ACAP3: variants seen among roughly 807,000 people sequenced by gnomAD.
ACAP3 encodes the protein ArfGAP with coiled-coil, ankyrin repeat and PH domains 3.
Under a neutral mutation model 104.1 loss-of-function variants are expected in ACAP3, and 56 were observed. That is an observed-to-expected ratio of 0.54 (90% CI 0.43 to 0.67). The LOEUF (loss-of-function observed/expected upper bound fraction) is 0.67, where lower values mean the gene tolerates loss of function less well. Ranked by LOEUF, ACAP3 falls within the 30% of genes least tolerant of loss-of-function variation. The pLI is 0.00. For synonymous variants in ACAP3, 628 were observed against 496.2 expected, an observed-to-expected ratio of 1.27 and a Z score of -3.53; for missense variants, 1,208 against 1,174.9, an observed-to-expected ratio of 1.03 and a Z score of -0.41.
intron 10 of ACAP3, 104 bp from the exon 11 acceptor site, chr1:1,298,783 CCA>C: frequency 1.2e-6 from 1 of 817,374 alleles, no homozygotes; most frequent in Admixed American, 2.3e-5. Flanking sequence ...TCTGAGGCTG[CCA>C]CACGGCCCAC....
intron 1 of ACAP3, 131 bp from the exon 2 acceptor site, chr1:1,304,274 G>A (rs1009590578): frequency 3.2e-5 from 35 of 1,110,658 alleles, no homozygotes; most frequent in East Asian, 2.1e-4. Flanking sequence ...GGAGACAGAC[G>A]CCTGCCTGCT....
intron 15 of ACAP3, 43 bp from the exon 16 acceptor site, chr1:1,296,323 C>T (rs1248644455): frequency 2.6e-6 from 4 of 1,549,924 alleles, no homozygotes; most frequent in Non-Finnish European, 3.5e-6. Flanking sequence ...AGGCAAGGCC[C>T]CCAGCTCCGG....
At chr1:1,301,842 T>C in intron 5 of ACAP3, 146 bp downstream of exon 5, 1 of 707,356 alleles carries the variant, frequency 1.4e-6, no homozygotes, top group Non-Finnish European at 2.2e-6. Flanking sequence ...CCCGGCTGTC[T>C]GCCTCTGAGC....
At chr1:1,298,177 T>C in intron 12 of ACAP3, 64 bp from the exon 13 acceptor site, 1 of 1,563,508 alleles carries the variant, frequency 6.4e-7, no homozygotes, top group Non-Finnish European at 8.7e-7. Context: ...ACCCACTTCC[T>C]GCTTCACCTT....
At chr1:1,296,861 G>A (rs570091872) in intron 14 of ACAP3, among the ~76,000 whole-genome samples, 109 of 151,640 alleles carry the variant, frequency 7.2e-4, no homozygotes, top group Admixed American at 1.6e-3. Flanking sequence ...AGGTGGCGCC[G>A]AGCACACGCC....
intron 14 of ACAP3, 32 bp downstream of exon 14, chr1:1,297,790 C>T (rs761911484): frequency 3.1e-5 from 49 of 1,600,526 alleles, no homozygotes; most frequent in Non-Finnish European, 3.9e-5. Context: ...TGTGTGTGCA[C>T]GGGCTTGGGG....
intron 10 of ACAP3, 42 bp downstream of exon 10, chr1:1,299,303 C>A: frequency 6.3e-7 from 1 of 1,587,566 alleles, no homozygotes; most frequent in Admixed American, 1.7e-5. Flanking sequence ...CCCATCTGGT[C>A]TCCCCCGACC....
intron 19 of ACAP3, chr1:1,295,056 C>A: frequency 1.8e-6 from 1 of 570,534 alleles, no homozygotes; most frequent in Admixed American, 3.3e-5. Context: ...AAGCCCTTCC[C>A]TCCCGCTCGC....
At position 1,296,735 on chromosome 1, in the gene ACAP3, C is replaced by T. The variant is rs556064566; in HGVS notation, c.1129-102G>A. 3.7e-5 allele frequency: 47 copies of T among 1,283,642 alleles called. No homozygotes were observed. In the South Asian group the frequency reaches 4.3e-4, roughly 12 times the overall value. 79.5% of individuals were successfully genotyped at this position (1,283,642 alleles called of 1,614,324 possible). A position where few individuals can be genotyped will look rare whatever the true frequency, so the allele number is the denominator to read the frequency against. On this transcript the variant is annotated intron_variant, in intron 14 of 23. Coordinates refer to ENST00000354700, the MANE Select transcript of ACAP3 (RefSeq NM_030649.3). ...CCAGAAGAGCCAATGCAGGCCAGGG[C>T]CCCTCGAGCACACGCCCGCACACGC...
In ACAP3 at chr1:1,292,909, C is replaced by G. The variant is rs1640903667; in HGVS notation, c.*655G>C. The G allele has an allele frequency of 4.6e-5, 7 of 152,282 alleles. No homozygotes were observed. The highest frequency in any genetic ancestry group is 3.3e-4 in the Admixed American group (5 of 15,288). 9.4% of individuals were successfully genotyped at this position (152,282 alleles called of 1,614,324 possible). On this transcript the variant is annotated 3_prime_UTR_variant, in exon 24 of 24. Coordinates refer to ENST00000354700, the MANE Select transcript of ACAP3 (RefSeq NM_030649.3). ...GTGGCTTTATGCGCAGGCTCTGGGCCGAGTACCAGGAGAAGGTGCCTCCGG... is the reference window on the plus strand; with the variant it reads ...GTGGCTTTATGCGCAGGCTCTGGGCGGAGTACCAGGAGAAGGTGCCTCCGG...
intron 23 of ACAP3, 57 bp from the exon 24 acceptor site, chr1:1,293,765 G>C (rs1376047480): frequency 6.7e-7 from 1 of 1,498,696 alleles, no homozygotes; most frequent in East Asian, 2.7e-5. Context: ...CCCTGCCCTG[G>C]AGGCCCCGCC....
chr1:1,296,133 G>A (rs568940219), intron 16 of ACAP3, 24 bp from the exon 17 acceptor site: 3 of 1,612,058 alleles, frequency 1.9e-6, no homozygotes, highest in African/African-American at 2.7e-5. Context: ...GGGCGAGCAG[G>A]CATCAGTGCG....
rs756671235 is a variant in ACAP3 at position 1,295,481 on chromosome 1, G to A, written c.1779C>T (p.Tyr593=). 5.0e-6 allele frequency: 8 copies of A among 1,612,620 alleles called. No homozygotes were observed. The South Asian group carries it at 8.8e-5, about 18-fold the overall frequency. The change falls in exon 19 of 24, where the codon TAC becomes TAT. Residue 593 remains tyrosine (Y), a synonymous_variant. Transcript: ENST00000354700. ...CPDELDSLFS[Y]FDAGAAGAGP... ...CAGCCCCTGCGGCCCCTGCGTCGAA[G>A]TAGGAGAAGAGCGAGTCCAGCTCGT...
intron 11 of ACAP3, 69 bp from the exon 12 acceptor site, chr1:1,298,490 A>AC: frequency 2.4e-6 from 2 of 831,818 alleles, no homozygotes; most frequent in Non-Finnish European, 3.4e-6. Flanking sequence ...CCCTGCCCCC[A>AC]CCTGAGGACC....
At chr1:1,296,862 AGCACACGCCC>A (rs1245002563) in intron 14 of ACAP3, among the ~76,000 whole-genome samples, 23 of 151,640 alleles carry the variant, frequency 1.5e-4, no homozygotes, top group African/African-American at 5.3e-4. Context: ...GGTGGCGCCG[AGCACACGCCC>A]GCACACGCAC....
At position 1,303,063 on chromosome 1, in the gene ACAP3, G is replaced by A. The variant is rs2100471235; in HGVS notation, c.226-88C>T. The A allele has an allele frequency of 3.9e-6, 6 of 1,553,558 alleles. No individual in the cohort carries two copies. In the South Asian group the frequency reaches 7.1e-5, roughly 18 times the overall value. On this transcript the variant is annotated intron_variant, in intron 3 of 23. Transcript: ENST00000354700. The surrounding 1 kb of genome is among the most constrained non-coding windows in gnomAD (Gnocchi z 4.0). ...GCCCTCTGAGCCCCTGGGCGGTGCA[G>A]ACACCGGCCTGCTTCTGGCCTGGAC...
Position 1,300,146 on chromosome 1 carries a change from C to A in ACAP3, c.567+12G>T. Reference sequence around the variant, plus strand: ...TGCAGCCTGTGCTCAGGGGCAGCCCCCACGCACTCACAGAGTCCAGGATCT... The same window carrying A: ...TGCAGCCTGTGCTCAGGGGCAGCCCACACGCACTCACAGAGTCCAGGATCT... On this transcript the variant is annotated intron_variant, in intron 7 of 23. Coordinates refer to ENST00000354700, the MANE Select transcript of ACAP3 (RefSeq NM_030649.3). 6.2e-7 allele frequency: 1 copy of A among 1,610,220 alleles called. No individual in the cohort carries two copies.
At position 1,294,133 on chromosome 1, in the gene ACAP3, C is replaced by T. The variant is rs956800770; in HGVS notation, c.2206G>A (p.Gly736Ser). The T allele has an allele frequency of 6.3e-7, 1 of 1,593,210 alleles. No homozygotes were observed. The highest frequency in any genetic ancestry group is 8.5e-7 in the Non-Finnish European group (1 of 1,170,152). ...GTGGCGTGGTGCAGGGGCGCCCGGC[C>T]CCGGCTGTCTCTTTGGTTCACGTCC... The part of the protein sequence containing the change: ...GADVNQRDSR[G>S]RAPLHHATLL... Residue 736 changes from glycine (G) to serine (S), a missense_variant, in exon 22 of 24, where the codon GGC becomes AGC. By Grantham distance (56) the Gly-to-Ser change is moderately conservative. Transcript: ENST00000354700.
intron 6 of ACAP3, 57 bp from the exon 7 acceptor site, chr1:1,300,259 G>A: frequency 1.3e-6 from 2 of 1,537,926 alleles, no homozygotes; most frequent in Non-Finnish European, 1.8e-6. Context: ...CCCAAGCCCT[G>A]CACCTGCCAT....
Sources: allele counts gnomAD v4.1 joint callset (sites outside exome capture counted in the v4.1 genomes callset), GRCh38; gene constraint gnomAD v4.1.1; non-coding constraint Gnocchi (gnomAD v3.1); transcripts MANE v1.5; gene names NCBI Gene and HGNC (gene_info 2026-07-23, HGNC 2026-07-21).